The following TUSC3 variants were observed in gnomAD, a reference collection of about 807,000 sequenced individuals.
TUSC3 encodes tumor suppressor candidate 3, also known as dolichyl-diphosphooligosaccharide--protein glycosyltransferase subunit TUSC3.
TUSC3 carries 45 observed loss-of-function variants against 44.8 expected under a neutral mutation model. The observed-to-expected ratio is 1.00, with a 90% CI of 0.79 to 1.29. The LOEUF (loss-of-function observed/expected upper bound fraction) is 1.29, where lower values mean the gene tolerates loss of function less well. TUSC3 is among the 50% of genes most tolerant of loss of function. TUSC3 has a pLI of 0.00. For synonymous variants in TUSC3, 212 were observed against 152.9 expected (o/e 1.39, Z -2.85); for missense variants, 519 against 437.9 (o/e 1.19, Z -1.65).
chr8:15,757,895 T>A, intron 10 of TUSC3, 40 bp downstream of exon 10: 1 of 1,453,920 alleles, frequency 6.9e-7, no homozygotes, highest in Non-Finnish European at 9.7e-7. Context: ...GTTTTCCTCA[T>A]TTTTCAAATA....
At position 15,571,185 on chromosome 8, in the gene TUSC3, T is replaced by C. The variant is rs562285171; in HGVS notation, c.138+30617T>C. On this transcript the variant is annotated intron_variant, in intron 1 of 10. Transcript: ENST00000503731. ...GCCAGGCTGGTCTCGAACTCCTGAC[T>C]TCAGGGGATCCACCTGCCTCGGCCT... is the stretch of plus-strand genomic sequence containing the variant. Among the ~76,000 whole-genome samples the C allele has an allele frequency of 6.8e-4, 103 of 151,844 alleles. 1 individual carries two copies. The highest frequency in any genetic ancestry group is 2.4e-3 in the African/African-American group (100 of 41,486).
At chr8:15,575,414 CAT>C (rs566984739) in intron 1 of TUSC3, among the ~76,000 whole-genome samples, 158 of 152,152 alleles carry the variant, frequency 1.0e-3, no homozygotes, top group Non-Finnish European at 1.7e-3. Context: ...AAATATCTAA[CAT>C]ATGTGTGTAC....
chr8:15,801,178 T>C, the TUSC3 span, among the ~76,000 whole-genome samples: 1 of 152,220 alleles, frequency 6.6e-6, no homozygotes, highest in Non-Finnish European at 1.5e-5. Flanking sequence ...ATTTCTTGAT[T>C]ATATGCTAAA....
chr8:15,743,896 G>C (rs984229602), intron 8 of TUSC3, among the ~76,000 whole-genome samples: 2 of 151,736 alleles, frequency 1.3e-5, no homozygotes, highest in Non-Finnish European at 2.9e-5. Flanking sequence ...CCATAGTCTT[G>C]GTTGTAATTC....
At chr8:15,501,504 C>G (rs1800964290) in intron 2 of TUSC3, among the ~76,000 whole-genome samples, 1 of 152,144 alleles carries the variant, frequency 6.6e-6, no homozygotes, top group Non-Finnish European at 1.5e-5. Context: ...ACTACTGTAG[C>G]TGCATAGTAA....
At chr8:15,520,906 A>G (rs1404678362) in intron 2 of TUSC3, among the ~76,000 whole-genome samples, 3 of 152,224 alleles carry the variant, frequency 2.0e-5, no homozygotes, top group South Asian at 4.1e-4. Context: ...CAATGAAATG[A>G]CAAAGCTGTC....
At chr8:15,726,351 ATATT>A (rs1318087076) in intron 6 of TUSC3, among the ~76,000 whole-genome samples, 6 of 152,140 alleles carry the variant, frequency 3.9e-5, no homozygotes, top group Admixed American at 1.3e-4. Flanking sequence ...TCATTCATAT[ATATT>A]GTTTTTTCAT....
chr8:15,591,546 G>C (rs992801341), intron 1 of TUSC3, among the ~76,000 whole-genome samples: 1 of 152,222 alleles, frequency 6.6e-6, no homozygotes. Context: ...AGTATCAAGC[G>C]AGTAAGCATA....
At chr8:15,569,207 C>A (rs1802780663) in intron 1 of TUSC3, among the ~76,000 whole-genome samples, 1 of 152,112 alleles carries the variant, frequency 6.6e-6, no homozygotes, top group Non-Finnish European at 1.5e-5. Context: ...ATTTGGCATA[C>A]CAAGTACTGT....
At chr8:15,778,213 T>G in the TUSC3 span, among the ~76,000 whole-genome samples, 1 of 152,174 alleles carries the variant, frequency 6.6e-6, no homozygotes, top group South Asian at 2.1e-4. Flanking sequence ...CCACCTGATT[T>G]CCATAAAGAC....
rs1801919774 is a variant in TUSC3 at position 15,547,651 on chromosome 8, GTGA to G, written c.138+7084_138+7086del. Reference sequence around the variant, plus strand: ...TTATAGGTTGAAATCCTAACTTTGAGTGAGAAAGTATTAGGAGGTGGGGCCTTT... The same window carrying G: ...TTATAGGTTGAAATCCTAACTTTGAGGAAAGTATTAGGAGGTGGGGCCTTT... On this transcript the variant is annotated intron_variant, in intron 1 of 10. Transcript: ENST00000503731. 3.0e-5 allele frequency among the ~76,000 whole-genome samples: 3 copies of G among 99,508 alleles called. No individual in the cohort carries two copies. In the South Asian group the frequency reaches 1.1e-3, roughly 37 times the overall value. 65.3% of individuals were successfully genotyped at this position (99,508 alleles called of 152,430 possible). A position where few individuals can be genotyped will look rare whatever the true frequency, so the allele number is the denominator to read the frequency against.
chr8:15,649,120 T>G (rs986239062), intron 2 of TUSC3, among the ~76,000 whole-genome samples: 1 of 152,204 alleles, frequency 6.6e-6, no homozygotes, highest in Non-Finnish European at 1.5e-5. Flanking sequence ...ACAGTTACAC[T>G]TCCATTTTCA....
intron 6 of TUSC3, among the ~76,000 whole-genome samples, chr8:15,680,076 G>A (rs1808353112): frequency 6.6e-6 from 1 of 151,014 alleles, no homozygotes; most frequent in Non-Finnish European, 1.5e-5. Flanking sequence ...CTCTGTTTGG[G>A]TTCCACATGA....
chr8:15,826,768 A>AG, the TUSC3 span, among the ~76,000 whole-genome samples: 6 of 151,612 alleles, frequency 4.0e-5, no homozygotes, highest in Non-Finnish European at 7.4e-5. Flanking sequence ...GGGAAAAAAA[A>AG]GAGAACTCTT....
At chr8:15,763,933 G>T (rs548798503) in intron 10 of TUSC3, among the ~76,000 whole-genome samples, 35 of 152,014 alleles carry the variant, frequency 2.3e-4, no homozygotes, top group Non-Finnish European at 2.4e-4. Context: ...GTTCTAGCCA[G>T]CAATGAAAGG....
At chr8:15,827,963 C>T in the TUSC3 span, among the ~76,000 whole-genome samples, 1 of 150,990 alleles carries the variant, frequency 6.6e-6, no homozygotes, top group Admixed American at 6.6e-5. Flanking sequence ...GAAGTCCTAA[C>T]ACCCCAGAAA....
At chr8:15,619,695 A>G (rs1563137434) in intron 1 of TUSC3, among the ~76,000 whole-genome samples, 1 of 152,032 alleles carries the variant, frequency 6.6e-6, no homozygotes, top group African/African-American at 2.4e-5. Flanking sequence ...TTGTTTTAGT[A>G]GAGATGGGGT....
intron 1 of TUSC3, among the ~76,000 whole-genome samples, chr8:15,575,581 A>G (rs1399423116): frequency 2.6e-5 from 4 of 152,130 alleles, no homozygotes; most frequent in African/African-American, 9.7e-5. Context: ...AGCCTGGCCA[A>G]CATGGTGAAA....
intron 1 of TUSC3, among the ~76,000 whole-genome samples, chr8:15,582,179 C>T (rs113817001): frequency 0.011 from 1,646 of 152,306 alleles, 23 homozygotes; most frequent in African/African-American, 0.034. Context: ...GCGCATGGTG[C>T]GCGCACCCAC....
Sources: allele counts gnomAD v4.1 joint callset (sites outside exome capture counted in the v4.1 genomes callset), GRCh38; gene constraint gnomAD v4.1.1; transcripts MANE v1.5; gene names NCBI Gene and HGNC (gene_info 2026-07-23, HGNC 2026-07-21).